The following TRIOBP variants were observed in gnomAD, a reference collection of about 807,000 sequenced individuals.
TRIOBP encodes TRIO and F-actin binding protein, also known as TRIO and F-actin-binding protein.
A neutral mutation model predicts 238.8 loss-of-function variants in TRIOBP; 169 were observed. The ratio of observed to expected loss-of-function variants is 0.71; its 90% CI spans 0.62 to 0.80. The LOEUF (loss-of-function observed/expected upper bound fraction) is 0.80, where lower values mean the gene tolerates loss of function less well. Among genes scored for constraint, TRIOBP ranks in the 30% least tolerant of loss-of-function variants. The pLI is 0.00. For missense variants in TRIOBP, 2,838 were observed against 3,122.6 expected (o/e 0.91, Z 2.17); for synonymous variants, 1,150 against 1,274.4 (o/e 0.90, Z 2.08).
Position 37,734,758 on chromosome 22 carries a change from G to A in TRIOBP, c.4422G>A (p.Glu1474=). 8.1e-6 allele frequency: 13 copies of A among 1,612,040 alleles called. No homozygotes were observed. Among genetic ancestry groups the A allele is most frequent in the Non-Finnish European group, 1.1e-5 (13 of 1,179,612 alleles). ...GCCTGGGGGCAGCCAAAGCCCCGGA[G>A]GGAGCATGGGGGGGCACTTCCAGGG... The part of the protein sequence containing the change: ...EPSLGAAKAP[E]GAWGGTSREY... Residue 1474 remains glutamate (E), a synonymous_variant, in exon 9 of 24, where the codon GAG becomes GAA. Transcript: ENST00000644935.
chr22:37,738,053 T>C (rs1235863335), intron 9 of TRIOBP, among the ~76,000 whole-genome samples: 1 of 152,170 alleles, frequency 6.6e-6, no homozygotes, highest in Non-Finnish European at 1.5e-5. Context: ...AGGGGACAGC[T>C]CAGTGGATGC....
At chr22:37,759,389 T>A (rs201415877) in intron 17 of TRIOBP, 125 bp downstream of exon 17, 1 of 1,268,554 alleles carries the variant, frequency 7.9e-7, no homozygotes, top group South Asian at 1.2e-5. Context: ...GCATTTGACA[T>A]GCGTCATCTC....
intron 11 of TRIOBP, among the ~76,000 whole-genome samples, chr22:37,741,857 T>C (rs1924949373): frequency 6.6e-6 from 1 of 152,228 alleles, no homozygotes; most frequent in Non-Finnish European, 1.5e-5. Flanking sequence ...GGAAAAAGTC[T>C]GTGGAGACTC....
rs1020347957 is a variant in TRIOBP, at chr22:37,727,540, C to T, written c.3947+1037C>T. On this transcript the variant is annotated intron_variant, in intron 7 of 23. Coordinates refer to ENST00000644935, the MANE Select transcript of TRIOBP (RefSeq NM_001039141.3). ...AAAATTAGCTGGGCATGGTGGCGGGCGCCTGTAGTCCCAGCAACTCGGGAG... is the reference window on the plus strand; with the variant it reads ...AAAATTAGCTGGGCATGGTGGCGGGTGCCTGTAGTCCCAGCAACTCGGGAG... Among the ~76,000 whole-genome samples, 21 of 151,980 alleles carry T rather than the reference C, an allele frequency of 1.4e-4. 1 individual carries two copies. Among genetic ancestry groups the T allele is most frequent in the South Asian group, 6.2e-4 (3 of 4,810 alleles).
At position 37,725,586 on chromosome 22, in the gene TRIOBP, C is replaced by T. The variant is rs752703460; in HGVS notation, c.3030C>T (p.Ser1010=). The change falls in exon 7 of 24, where the codon TCC becomes TCT. Residue 1010 remains serine (S), a synonymous_variant. Coordinates refer to ENST00000644935, the MANE Select transcript of TRIOBP (RefSeq NM_001039141.3). ...YGAPLTSPEP[S]QPPCAVCIGH... Reference sequence around the variant, plus strand: ...CTCCCCTGACCTCTCCTGAGCCCTCCCAGCCTCCATGTGCTGTGTGCATTG... The same window carrying T: ...CTCCCCTGACCTCTCCTGAGCCCTCTCAGCCTCCATGTGCTGTGTGCATTG... 16 of 1,613,974 alleles carry T rather than the reference C, an allele frequency of 9.9e-6. No homozygotes were observed. The South Asian group carries it at 1.8e-4, about 18-fold the overall frequency.
rs1926591109 is a variant in TRIOBP, at chr22:37,768,101, A to G, written c.6500A>G (p.Gln2167Arg). 1 of 1,613,492 alleles carries G rather than the reference A, an allele frequency of 6.2e-7. No individual in the cohort carries two copies. Among genetic ancestry groups the G allele is most frequent in the African/African-American group, 1.3e-5 (1 of 75,022 alleles). Residue 2167 changes from glutamine to arginine, a missense_variant, in exon 19 of 24, where the codon CAG (glutamine) becomes CGG (arginine). Gln to Arg is a conservative substitution (Grantham distance 43). Coordinates refer to ENST00000644935, the MANE Select transcript of TRIOBP (RefSeq NM_001039141.3). ...ATTGAAGCCATGAAGAAGGCCTACC[A>G]GGAAGAGCTGAGCCGAGAGCTGAGC... ...SAIEAMKKAYQEELSRELSKT... is the reference protein window; with the variant it reads ...SAIEAMKKAYREELSRELSKT...
intron 2 of TRIOBP, among the ~76,000 whole-genome samples, chr22:37,698,680 GAAAA>G (rs1372017811): frequency 6.6e-6 from 1 of 151,952 alleles, no homozygotes; most frequent in Non-Finnish European, 1.5e-5. Flanking sequence ...AAATAAAAAA[GAAAA>G]AAATTAGCTG....
chr22:37,757,806 AC>A lies in TRIOBP; in HGVS notation c.5885del (p.Pro1962GlnfsTer53). 6.5e-7 allele frequency: 1 copy of A among 1,547,066 alleles called. No homozygotes were observed. Among genetic ancestry groups the A allele is most frequent in the Non-Finnish European group, 8.7e-7 (1 of 1,144,784 alleles). ...CCAGGCTTCCCCGCAGCGGGCCCGC[AC>A]CCCAGCCCGCACTCCTGACCGCCTG... ...LTQASPQRAR[T>X]PARTPDRLAK... is the part of the protein sequence containing the mutation. On this transcript the variant is annotated frameshift_variant, in exon 16 of 24. Coordinates refer to ENST00000644935, the MANE Select transcript of TRIOBP (RefSeq NM_001039141.3). LOFTEE classifies it high-confidence loss of function.
chr22:37,757,815 C>T lies in TRIOBP; in HGVS notation c.5890C>T (p.Arg1964Cys), dbSNP rs565618931. Reference sequence around the variant, plus strand: ...CCCGCAGCGGGCCCGCACCCCAGCCCGCACTCCTGACCGCCTGGCCAAGCA... The same window carrying T: ...CCCGCAGCGGGCCCGCACCCCAGCCTGCACTCCTGACCGCCTGGCCAAGCA... Reference protein sequence around the residue: ...ASPQRARTPARTPDRLAKQEE... With the variant: ...ASPQRARTPACTPDRLAKQEE... The change falls in exon 16 of 24, where the codon CGC becomes TGC. Residue 1964 changes from arginine to cysteine, a missense_variant. Physicochemically the swap from Arg to Cys is radical, Grantham distance 180. Coordinates refer to ENST00000644935, the MANE Select transcript of TRIOBP (RefSeq NM_001039141.3). The T allele has an allele frequency of 1.5e-5, 23 of 1,548,262 alleles. No homozygotes were observed. Among genetic ancestry groups the T allele is most frequent in the Middle Eastern group, 3.4e-4 (2 of 5,968 alleles).
At chr22:37,714,289 G>C (rs1371585514) in intron 5 of TRIOBP, among the ~76,000 whole-genome samples, 1 of 152,176 alleles carries the variant, frequency 6.6e-6, no homozygotes, top group Non-Finnish European at 1.5e-5. Context: ...TGCCTCCTAG[G>C]TCCGTTGAAG....
intron 11 of TRIOBP, chr22:37,746,439 C>T (rs1925274184): frequency 1.4e-6 from 2 of 1,422,912 alleles, no homozygotes; most frequent in Non-Finnish European, 1.9e-6. Context: ...CCCAGTCAGC[C>T]GCCCGCGCCC....
chr22:37,707,939 C>T (rs1923028592), intron 3 of TRIOBP, among the ~76,000 whole-genome samples: 1 of 109,516 alleles, frequency 9.1e-6, no homozygotes. Context: ...GAGACTCTGT[C>T]TCAAAAAAAA....
At position 37,765,661 on chromosome 22, in the gene TRIOBP, G is replaced by A. The variant is rs1458434005; in HGVS notation, c.6325-9G>A. ...GGCAGCCTGTGACACCCTGGCGTCCGGCCCACAGGAGGCATGTGAGCGCAG... is the reference window on the plus strand; with the variant it reads ...GGCAGCCTGTGACACCCTGGCGTCCAGCCCACAGGAGGCATGTGAGCGCAG... On this transcript the variant is annotated splice_polypyrimidine_tract_variant and intron_variant, in intron 17 of 23. Transcript: ENST00000644935. The A allele has an allele frequency of 3.9e-6, 6 of 1,549,346 alleles. No individual in the cohort carries two copies. The highest frequency in any genetic ancestry group is 2.4e-5 in the South Asian group (2 of 83,984).
intron 3 of TRIOBP, among the ~76,000 whole-genome samples, chr22:37,707,771 G>C (rs183934522): frequency 4.0e-5 from 6 of 150,580 alleles, no homozygotes; most frequent in Admixed American, 6.7e-5. Context: ...GTGAAACCCC[G>C]TCTCTACTAA....
intron 23 of TRIOBP, among the ~76,000 whole-genome samples, chr22:37,773,524 T>G (rs2145886777): frequency 6.6e-6 from 1 of 152,084 alleles, no homozygotes; most frequent in Middle Eastern, 3.4e-3. Flanking sequence ...CTGGCCAAAG[T>G]GTTCTTATTT....
chr22:37,698,569 T>C (rs1601613152), intron 2 of TRIOBP, among the ~76,000 whole-genome samples: 1 of 151,836 alleles, frequency 6.6e-6, no homozygotes, highest in South Asian at 2.1e-4. Context: ...GGCAGGCTGG[T>C]CTTGAATTCC....
intron 11 of TRIOBP, among the ~76,000 whole-genome samples, chr22:37,747,172 C>T (rs1435911808): frequency 6.6e-6 from 1 of 152,184 alleles, no homozygotes. Context: ...GCTGGACTCC[C>T]CACTTCACAG....
intron 5 of TRIOBP, among the ~76,000 whole-genome samples, chr22:37,714,234 AACTCTGGG>A (rs1335395800): frequency 6.6e-6 from 1 of 152,206 alleles, no homozygotes; most frequent in Non-Finnish European, 1.5e-5. Flanking sequence ...CCACATGCGG[AACTCTGGG>A]ACTCTGGGCA....
intron 4 of TRIOBP, among the ~76,000 whole-genome samples, chr22:37,711,888 C>T (rs1923268180): frequency 6.6e-6 from 1 of 152,028 alleles, no homozygotes; most frequent in Non-Finnish European, 1.5e-5. Flanking sequence ...CCTTCTTGAG[C>T]CTGTGACTTC....
Sources: allele counts gnomAD v4.1 joint callset (sites outside exome capture counted in the v4.1 genomes callset), GRCh38; gene constraint gnomAD v4.1.1; transcripts MANE v1.5; gene names NCBI Gene and HGNC (gene_info 2026-07-23, HGNC 2026-07-21).